LRRC40: variants seen among roughly 807,000 people sequenced by gnomAD.
LRRC40 encodes leucine-rich repeat-containing protein 40.
A neutral mutation model predicts 72.8 loss-of-function variants in LRRC40; 76 were observed. The observed-to-expected ratio is 1.04, with a 90% CI of 0.87 to 1.26. The LOEUF is 1.26. LRRC40 is among the 50% of genes most tolerant of loss of function. The pLI, the probability that LRRC40 is intolerant of heterozygous loss-of-function variation, is 0.00. For synonymous variants in LRRC40, 243 were observed against 254.2 expected, an observed-to-expected ratio of 0.96 and a Z score of 0.42; for missense variants, 684 against 698.9, an observed-to-expected ratio of 0.98 and a Z score of 0.24.
At position 70,174,272 on chromosome 1, in the gene LRRC40, T is replaced by A. The variant is rs9628619; in HGVS notation, c.978-563A>T. ...ACTGGTATAGCGATATCAAGATTCTTGTTCTCAAGTCCTCAGTTAAACAAA... is the reference window on the plus strand; with the variant it reads ...ACTGGTATAGCGATATCAAGATTCTAGTTCTCAAGTCCTCAGTTAAACAAA... On this transcript the variant is annotated intron_variant, in intron 7 of 14. Transcript: ENST00000370952. Among the ~76,000 whole-genome samples, 757 of 152,196 alleles carry A rather than the reference T, an allele frequency of 5.0e-3. 5 individuals are homozygous for A. Among genetic ancestry groups the A allele is most frequent in the African/African-American group, 0.017 (716 of 41,566 alleles).
chr1:70,158,611 G>C (rs1473067768), intron 10 of LRRC40, among the ~76,000 whole-genome samples: 1 of 151,854 alleles, frequency 6.6e-6, no homozygotes, highest in Admixed American at 6.6e-5. Context: ...TTTTGGCTTT[G>C]TCTCAATTTA....
At chr1:70,197,377 A>G (rs1668638186) in intron 1 of LRRC40, among the ~76,000 whole-genome samples, 2 of 151,916 alleles carry the variant, frequency 1.3e-5, no homozygotes, top group African/African-American at 4.8e-5. Context: ...TCATGGCTTC[A>G]GGAGATCCTC....
chr1:70,155,000 T>C (rs1479374821), intron 11 of LRRC40, among the ~76,000 whole-genome samples: 1 of 152,122 alleles, frequency 6.6e-6, no homozygotes, highest in African/African-American at 2.4e-5. Flanking sequence ...TGTCTCACAT[T>C]GGGTTGTTTT....
At chr1:70,198,909 G>A (rs1668673541) in intron 1 of LRRC40, among the ~76,000 whole-genome samples, 1 of 152,086 alleles carries the variant, frequency 6.6e-6, no homozygotes, top group Non-Finnish European at 1.5e-5. Flanking sequence ...CCAGCACTTT[G>A]GGAGGGTGAG....
chr1:70,146,845 GTT>G (rs1667313490), intron 14 of LRRC40, among the ~76,000 whole-genome samples: 1 of 152,058 alleles, frequency 6.6e-6, no homozygotes, highest in Non-Finnish European at 1.5e-5. Flanking sequence ...TTAAGAGCTT[GTT>G]TTGTTTCATT....
intron 1 of LRRC40, among the ~76,000 whole-genome samples, chr1:70,201,201 T>G (rs187650784): frequency 1.3e-5 from 2 of 152,128 alleles, no homozygotes; most frequent in African/African-American, 4.8e-5. Flanking sequence ...ATATTTTGAA[T>G]GTAAATCATA....
chr1:70,192,947 G>A (rs1440529920), intron 1 of LRRC40, among the ~76,000 whole-genome samples: 6 of 151,692 alleles, frequency 4.0e-5, no homozygotes, highest in Non-Finnish European at 7.4e-5. Context: ...ACCTACACAC[G>A]TACCCTTGAA....
chr1:70,175,110 T>C (rs1202808855), intron 7 of LRRC40, among the ~76,000 whole-genome samples: 3 of 151,914 alleles, frequency 2.0e-5, no homozygotes, highest in Non-Finnish European at 4.4e-5. Context: ...AAAAAAGCAT[T>C]CTAGGGTAAA....
intron 7 of LRRC40, among the ~76,000 whole-genome samples, chr1:70,174,771 G>A (rs1668068191): frequency 6.6e-6 from 1 of 152,030 alleles, no homozygotes; most frequent in African/African-American, 2.4e-5. Flanking sequence ...CAGGGGTTGG[G>A]GTATGGAAAG....
intron 1 of LRRC40, among the ~76,000 whole-genome samples, chr1:70,191,005 T>C (rs1403573137): frequency 6.6e-6 from 1 of 151,604 alleles, no homozygotes; most frequent in Non-Finnish European, 1.5e-5. Context: ...GGATAATTAG[T>C]TAAGTAGGAA....
At chr1:70,201,538 C>A (rs1005578836) in intron 1 of LRRC40, among the ~76,000 whole-genome samples, 1 of 152,096 alleles carries the variant, frequency 6.6e-6, no homozygotes, top group Non-Finnish European at 1.5e-5. Context: ...TGATCAACAA[C>A]AAGGAAACGA....
chr1:70,172,749 A>C (rs931682763), intron 9 of LRRC40, among the ~76,000 whole-genome samples: 3 of 152,126 alleles, frequency 2.0e-5, no homozygotes, highest in Admixed American at 2.0e-4. Context: ...TATCTTACTC[A>C]TTTAATATAT....
chr1:70,158,006 T>C (rs2100246976), intron 10 of LRRC40, among the ~76,000 whole-genome samples: 1 of 133,528 alleles, frequency 7.5e-6, no homozygotes, highest in South Asian at 2.4e-4. Flanking sequence ...GAGGCTGAGG[T>C]GGGGGAATCG....
chr1:70,188,478 G>A (rs1009337556), intron 2 of LRRC40, among the ~76,000 whole-genome samples: 1 of 152,158 alleles, frequency 6.6e-6, no homozygotes, highest in Non-Finnish European at 1.5e-5. Context: ...GCTCACGCCT[G>A]TAATCCCAGC....
chr1:70,149,919 T>C (rs375054522), intron 13 of LRRC40, among the ~76,000 whole-genome samples: 1 of 152,128 alleles, frequency 6.6e-6, no homozygotes, highest in Admixed American at 6.5e-5. Flanking sequence ...ATTTTATTTT[T>C]TAAATTTTAT....
At chr1:70,184,964 A>G in intron 3 of LRRC40, 50 bp from the exon 4 acceptor site, 2 of 1,456,500 alleles carry the variant, frequency 1.4e-6, no homozygotes, top group South Asian at 1.2e-5. Flanking sequence ...AATACAATAA[A>G]TATTTATCAA....
At chr1:70,172,221 G>A (rs181229565) in intron 9 of LRRC40, among the ~76,000 whole-genome samples, 1 of 152,148 alleles carries the variant, frequency 6.6e-6, no homozygotes, top group Admixed American at 6.5e-5. Context: ...AAATCTGCTG[G>A]TGCTTTGATC....
chr1:70,174,061 T>G (rs2100289022), intron 7 of LRRC40, among the ~76,000 whole-genome samples: 1 of 152,132 alleles, frequency 6.6e-6, no homozygotes, highest in Middle Eastern at 3.4e-3. Context: ...ATTTTGCACT[T>G]AGAGCAAGGA....
chr1:70,170,597 C>G (rs568788175), intron 9 of LRRC40, among the ~76,000 whole-genome samples: 1 of 151,758 alleles, frequency 6.6e-6, no homozygotes, highest in South Asian at 2.1e-4. Flanking sequence ...AAGAACAGCA[C>G]AAAAATGGAA....
Sources: allele counts gnomAD v4.1 joint callset (sites outside exome capture counted in the v4.1 genomes callset), GRCh38; gene constraint gnomAD v4.1.1; transcripts MANE v1.5; gene names NCBI Gene and HGNC (gene_info 2026-07-23, HGNC 2026-07-21).